The following S100Z variants were observed in gnomAD, a reference collection of about 807,000 sequenced individuals.
The protein encoded by S100Z is S100 calcium binding protein Z.
A neutral mutation model predicts 8.5 loss-of-function variants in S100Z; 11 were observed. The observed-to-expected ratio is 1.30, with a 90% CI of 0.82 to 2.15. S100Z has a LOEUF of 2.15. Among genes scored for constraint, S100Z ranks in the 30% most tolerant of loss-of-function variants. S100Z has a pLI of 0.00. For synonymous variants in S100Z, 34 were observed against 43.8 expected (o/e 0.78, Z 0.89); for missense variants, 126 against 117.9 (o/e 1.07, Z -0.32).
At chr5:76,887,022 G>A (rs1743668208) in intron 4 of S100Z, among the ~76,000 whole-genome samples, 1 of 152,054 alleles carries the variant, frequency 6.6e-6, no homozygotes. Context: ...GCCTGAAAGA[G>A]ATCATCTGCA....
chr5:76,863,286 A>G (rs1039628393), intron 1 of S100Z, among the ~76,000 whole-genome samples: 1 of 152,206 alleles, frequency 6.6e-6, no homozygotes, highest in African/African-American at 2.4e-5. Context: ...AAACATGCAC[A>G]CCAGTGTGCA....
chr5:76,852,636 G>C (rs1363190303), intron 1 of S100Z, among the ~76,000 whole-genome samples: 1 of 152,184 alleles, frequency 6.6e-6, no homozygotes, highest in Non-Finnish European at 1.5e-5. Context: ...CTTAAACCCA[G>C]GAGGCGGAGG....
chr5:76,906,445 C>T (rs574103062), intron 4 of S100Z, among the ~76,000 whole-genome samples: 305 of 152,272 alleles, frequency 2.0e-3, no homozygotes, highest in Non-Finnish European at 3.8e-3. Context: ...GGCCTCCTCA[C>T]CTGCCAGCAC....
intron 1 of S100Z, among the ~76,000 whole-genome samples, chr5:76,865,776 G>A (rs1308782306): frequency 6.6e-6 from 1 of 151,492 alleles, no homozygotes; most frequent in Admixed American, 6.6e-5. Flanking sequence ...ACTTTGGGCG[G>A]TTGAGGTGGG....
chr5:76,893,985 A>G (rs1382392775), intron 4 of S100Z, among the ~76,000 whole-genome samples: 1 of 152,138 alleles, frequency 6.6e-6, no homozygotes, highest in African/African-American at 2.4e-5. Flanking sequence ...CTTCCTCCTC[A>G]CCCAGGGCTC....
At chr5:76,858,737 A>G (rs1256182816) in intron 1 of S100Z, among the ~76,000 whole-genome samples, 2 of 152,224 alleles carry the variant, frequency 1.3e-5, no homozygotes, top group South Asian at 2.1e-4. Flanking sequence ...TTCAATTCAC[A>G]TCCCTATAGA....
the S100Z span, among the ~76,000 whole-genome samples, chr5:76,941,271 A>C: frequency 6.6e-6 from 1 of 152,066 alleles, no homozygotes; most frequent in East Asian, 1.9e-4. Context: ...TCTCCACCCA[A>C]ATCTCATCTT....
At chr5:76,909,846 A>T (rs2150678833) in intron 4 of S100Z, among the ~76,000 whole-genome samples, 1 of 152,382 alleles carries the variant, frequency 6.6e-6, no homozygotes, top group Non-Finnish European at 1.5e-5. Flanking sequence ...CTTTGATCTC[A>T]CTTGGAGAGA....
the S100Z span, among the ~76,000 whole-genome samples, chr5:76,938,169 CAG>C: frequency 6.6e-6 from 1 of 152,222 alleles, no homozygotes; most frequent in African/African-American, 2.4e-5. Flanking sequence ...TGGGAATAGA[CAG>C]GGGACTCAAT....
chr5:76,872,138 T>G (rs938842467), intron 2 of S100Z, among the ~76,000 whole-genome samples: 4 of 152,116 alleles, frequency 2.6e-5, no homozygotes, highest in Non-Finnish European at 4.4e-5. Context: ...TCTCAGCTAT[T>G]CAGGAAACTG....
At chr5:76,926,188 C>T (rs138780013), downstream of S100Z, among the ~76,000 whole-genome samples, 671 of 151,738 alleles carry the variant, frequency 4.4e-3, 3 homozygotes, top group Non-Finnish European at 5.4e-3. Context: ...CAGGAGTATA[C>T]TCTGGCCTAA....
At chr5:76,869,622 A>G (rs1580003925) in intron 1 of S100Z, among the ~76,000 whole-genome samples, 2 of 152,312 alleles carry the variant, frequency 1.3e-5, no homozygotes, top group African/African-American at 4.8e-5. Context: ...CATGGTAGAA[A>G]GTAGAAAGAG....
chr5:76,952,438 A>G, the S100Z span, among the ~76,000 whole-genome samples: 1 of 152,370 alleles, frequency 6.6e-6, no homozygotes, highest in African/African-American at 2.4e-5. Context: ...AGAAATGCCT[A>G]TAAGAAACTG....
downstream of S100Z, among the ~76,000 whole-genome samples, chr5:76,924,685 G>A (rs1359810419): frequency 6.6e-6 from 1 of 152,122 alleles, no homozygotes; most frequent in Non-Finnish European, 1.5e-5. Context: ...AAGGGCAGGC[G>A]GATCACTTGA....
intron 1 of S100Z, among the ~76,000 whole-genome samples, chr5:76,859,571 A>AG (rs1466755369): frequency 1.3e-5 from 2 of 152,016 alleles, no homozygotes; most frequent in East Asian, 3.9e-4. Flanking sequence ...ACCTGAGGTC[A>AG]GGAGTTTGAG....
chr5:76,863,828 G>A (rs571977157), intron 1 of S100Z, among the ~76,000 whole-genome samples: 245 of 152,340 alleles, frequency 1.6e-3, no homozygotes, highest in African/African-American at 5.2e-3. Context: ...GTGAGCCACT[G>A]CGCCCGGCCA....
At chr5:76,909,786 T>A (rs2038743802) in intron 4 of S100Z, among the ~76,000 whole-genome samples, 1 of 152,200 alleles carries the variant, frequency 6.6e-6, no homozygotes, top group Non-Finnish European at 1.5e-5. Context: ...GGGGAAGTTT[T>A]CAGATGATCC....
intron 1 of S100Z, among the ~76,000 whole-genome samples, chr5:76,869,568 A>G (rs1742928405): frequency 6.6e-6 from 1 of 152,210 alleles, no homozygotes; most frequent in Non-Finnish European, 1.5e-5. Context: ...TTTGTGATTT[A>G]GATCAGCTTC....
At chr5:76,902,142 G>A (rs1007330962) in intron 4 of S100Z, among the ~76,000 whole-genome samples, 1 of 152,028 alleles carries the variant, frequency 6.6e-6, no homozygotes, top group Non-Finnish European at 1.5e-5. Flanking sequence ...AAGGAAGGGG[G>A]TCTCTTTTGG....
Sources: allele counts gnomAD v4.1 joint callset (sites outside exome capture counted in the v4.1 genomes callset), GRCh38; gene constraint gnomAD v4.1.1; transcripts MANE v1.5; gene names NCBI Gene and HGNC (gene_info 2026-07-23, HGNC 2026-07-21).